Variants in MYO6 observed in about 807,000 individuals in gnomAD.
The protein encoded by MYO6 is myosin VI.
MYO6 carries 74 observed loss-of-function variants against 178.7 expected under a neutral mutation model. The ratio of observed to expected loss-of-function variants is 0.41; its 90% CI spans 0.34 to 0.50. The LOEUF (loss-of-function observed/expected upper bound fraction) is 0.50. Ranked by LOEUF, MYO6 falls within the 20% of genes least tolerant of loss-of-function variation. The probability of loss-of-function intolerance (pLI) is 0.09; values close to 1 mark genes in which losing one functional copy is unlikely to be tolerated. For synonymous variants in MYO6, 477 were observed against 504.6 expected, an observed-to-expected ratio of 0.95 and a Z score of 0.73; for missense variants, 1,330 against 1,547.4, an observed-to-expected ratio of 0.86 and a Z score of 2.36.
intron 6 of MYO6, 76 bp from the exon 7 acceptor site, chr6:75,835,825 A>T: frequency 1.2e-6 from 1 of 818,658 alleles, no homozygotes; most frequent in Non-Finnish European, 2.1e-6. Context: ...TTTCAGTTTT[A>T]TATGTACTAG....
At chr6:75,827,244 A>G (rs184801150) in intron 3 of MYO6, among the ~76,000 whole-genome samples, 7 of 152,200 alleles carry the variant, frequency 4.6e-5, no homozygotes, top group African/African-American at 7.2e-5. Flanking sequence ...GGTGGTGGTG[A>G]GAATGGGTAA....
In MYO6 at chr6:75,890,071, G is replaced by A. The variant is rs755638459; in HGVS notation, c.2673G>A (p.Thr891=). Residue 891 remains threonine (T), a synonymous_variant, in exon 26 of 35, where the codon ACG becomes ACA. Coordinates refer to ENST00000369977, the MANE Select transcript of MYO6 (RefSeq NM_004999.4). The part of the protein sequence containing the change: ...LMAKIKSTMM[T]QEQIQKEYDA... ...ATTTTTTAAAGTCCACTATGATGACGCAGGAACAAATCCAGAAAGAATATG... is the reference window on the plus strand; with the variant it reads ...ATTTTTTAAAGTCCACTATGATGACACAGGAACAAATCCAGAAAGAATATG... 7 of 1,612,698 alleles carry A rather than the reference G, an allele frequency of 4.3e-6. No homozygotes were observed. Among genetic ancestry groups the A allele is most frequent in the East Asian group, 2.2e-5 (1 of 44,864 alleles).
At chr6:75,883,394 G>A (rs1778195805) in intron 23 of MYO6, among the ~76,000 whole-genome samples, 1 of 152,038 alleles carries the variant, frequency 6.6e-6, no homozygotes, top group Non-Finnish European at 1.5e-5. Flanking sequence ...ACGAATAATA[G>A]GTGCTTTTTT....
chr6:75,770,648 C>T (rs926758535), intron 1 of MYO6, among the ~76,000 whole-genome samples: 3 of 151,976 alleles, frequency 2.0e-5, no homozygotes, highest in Non-Finnish European at 2.9e-5. Context: ...GGCTAATTTT[C>T]GTATTTTTAG....
At chr6:75,886,784 A>G in intron 24 of MYO6, 60 bp from the exon 25 acceptor site, 4 of 1,528,680 alleles carry the variant, frequency 2.6e-6, no homozygotes, top group East Asian at 2.3e-5. Flanking sequence ...TTATAAATGA[A>G]AAATCTGCCA....
intron 4 of MYO6, among the ~76,000 whole-genome samples, chr6:75,829,725 T>A (rs1178002583): frequency 6.6e-6 from 1 of 152,184 alleles, no homozygotes; most frequent in African/African-American, 2.4e-5. Flanking sequence ...CAAAATTTAC[T>A]CAATCAGCTG....
At chr6:75,856,591 A>G (rs896250001) in intron 12 of MYO6, among the ~76,000 whole-genome samples, 11 of 151,276 alleles carry the variant, frequency 7.3e-5, no homozygotes, top group African/African-American at 1.9e-4. Flanking sequence ...TCATCAGACT[A>G]TCATTTTCTT....
intron 2 of MYO6, 112 bp downstream of exon 2, chr6:75,817,776 T>C (rs915640331): frequency 2.1e-6 from 2 of 955,796 alleles, no homozygotes; most frequent in Non-Finnish European, 3.3e-6. Context: ...AAAGCATATT[T>C]CTGGTAAGTG....
chr6:75,866,434 T>TC, intron 16 of MYO6, 92 bp from the exon 17 acceptor site: 1 of 1,012,218 alleles, frequency 9.9e-7, no homozygotes, highest in Non-Finnish European at 1.5e-6. Context: ...CCTGTATAAT[T>TC]TTAAGTGTTT....
intron 9 of MYO6, among the ~76,000 whole-genome samples, chr6:75,843,763 G>T (rs79310354): frequency 4.9e-5 from 7 of 143,976 alleles, no homozygotes; most frequent in Admixed American, 4.1e-4. Context: ...TAGGGTGGAA[G>T]AAAAAAAAAA....
At chr6:75,875,723 GT>G (rs1309064045) in intron 20 of MYO6, among the ~76,000 whole-genome samples, 1 of 152,222 alleles carries the variant, frequency 6.6e-6, no homozygotes, top group Non-Finnish European at 1.5e-5. Context: ...TTCTGCTATT[GT>G]AACCTTCTAA....
chr6:75,758,062 C>G (rs545446671), intron 1 of MYO6, among the ~76,000 whole-genome samples: 21 of 133,876 alleles, frequency 1.6e-4, no homozygotes, highest in African/African-American at 5.4e-4. Flanking sequence ...ACCACACCTT[C>G]TGCCTCCCAG....
intron 18 of MYO6, among the ~76,000 whole-genome samples, chr6:75,869,675 A>G (rs1776978983): frequency 6.6e-6 from 1 of 152,230 alleles, no homozygotes; most frequent in African/African-American, 2.4e-5. Context: ...TAAGGCAAAT[A>G]AATGATTTTA....
At chr6:75,759,907 A>G (rs1369504825) in intron 1 of MYO6, among the ~76,000 whole-genome samples, 1 of 152,206 alleles carries the variant, frequency 6.6e-6, no homozygotes, top group Non-Finnish European at 1.5e-5. Context: ...ATATACTGTT[A>G]TACTTTGCTG....
At chr6:75,886,205 C>G in intron 24 of MYO6, 111 bp downstream of exon 24, 1 of 705,434 alleles carries the variant, frequency 1.4e-6, no homozygotes, top group East Asian at 2.7e-5. Flanking sequence ...TTCTCATGTT[C>G]TTTGTAAAAT....
intron 25 of MYO6, 83 bp downstream of exon 25, chr6:75,887,077 C>T (rs924809626): frequency 3.0e-5 from 41 of 1,372,480 alleles, no homozygotes; most frequent in South Asian, 4.9e-5. Flanking sequence ...GTATAGAAAA[C>T]GTCCTTAGTT....
chr6:75,828,520 A>G lies in MYO6; in HGVS notation c.188-20A>G, dbSNP rs1281984063. 1 of 1,358,704 alleles carries G rather than the reference A, an allele frequency of 7.4e-7. No homozygotes were observed. 84.2% of individuals were successfully genotyped at this position (1,358,704 alleles called of 1,614,324 possible). Reference sequence around the variant, plus strand: ...TTGTTTTCTTCAATTCTCTAATGACATATAAATTTTATGTCTTAGGTTCAC... The same window carrying G: ...TTGTTTTCTTCAATTCTCTAATGACGTATAAATTTTATGTCTTAGGTTCAC... On this transcript the variant is annotated intron_variant, in intron 3 of 34. Coordinates refer to ENST00000369977, the MANE Select transcript of MYO6 (RefSeq NM_004999.4).
chr6:75,765,244 T>G (rs2150000896), intron 1 of MYO6, among the ~76,000 whole-genome samples: 1 of 123,294 alleles, frequency 8.1e-6, no homozygotes, highest in Non-Finnish European at 1.6e-5. Flanking sequence ...TGGTGCAATC[T>G]CAGCTCACTG....
At chr6:75,773,808 T>A (rs1351015973) in intron 1 of MYO6, among the ~76,000 whole-genome samples, 2 of 152,228 alleles carry the variant, frequency 1.3e-5, no homozygotes, top group African/African-American at 4.8e-5. Flanking sequence ...TGTGAACTAA[T>A]CAGGCCTCTT....
Sources: gnomAD v4.1 joint callset for allele counts (sites outside exome capture counted in the v4.1 genomes callset) on GRCh38, gnomAD v4.1.1 for gene constraint, MANE v1.5 for transcripts, NCBI Gene and HGNC (gene_info 2026-07-23, HGNC 2026-07-21) for gene names.